CSPP1: variants seen among roughly 807,000 people sequenced by gnomAD.
CSPP1 encodes the protein centrosome and spindle pole-associated protein 1.
CSPP1 carries 126 observed loss-of-function variants against 164.4 expected under a neutral mutation model. The ratio of observed to expected loss-of-function variants is 0.77; its 90% CI spans 0.66 to 0.89. The LOEUF (loss-of-function observed/expected upper bound fraction) is 0.89. Ranked by LOEUF, CSPP1 falls within the 40% of genes least tolerant of loss-of-function variation. The probability of loss-of-function intolerance (pLI) is 0.00; values close to 1 mark genes in which losing one functional copy is unlikely to be tolerated. For synonymous variants in CSPP1, 472 were observed against 476.7 expected (o/e 0.99, Z 0.13); for missense variants, 1,395 against 1,449.8 (o/e 0.96, Z 0.61).
At chr8:67,158,930 C>A in intron 20 of CSPP1, 61 bp from the exon 21 acceptor site, 1 of 1,335,860 alleles carries the variant, frequency 7.5e-7, no homozygotes, top group East Asian at 2.3e-5. Flanking sequence ...TAAGGCAGCA[C>A]ATTTTTGAAT....
intron 17 of CSPP1, among the ~76,000 whole-genome samples, chr8:67,139,866 A>T (rs1413780058): frequency 1.3e-5 from 2 of 152,162 alleles, no homozygotes; most frequent in Non-Finnish European, 2.9e-5. Context: ...GCGGGGAGGG[A>T]TAGCACTAGG....
At chr8:67,191,537 T>C (rs533222868) in intron 29 of CSPP1, among the ~76,000 whole-genome samples, 1 of 152,366 alleles carries the variant, frequency 6.6e-6, no homozygotes, top group South Asian at 2.1e-4. Flanking sequence ...ATACACTGTA[T>C]GATTATTTGT....
At chr8:67,147,087 TAATATA>T (rs1393805614) in intron 17 of CSPP1, among the ~76,000 whole-genome samples, 1 of 152,246 alleles carries the variant, frequency 6.6e-6, no homozygotes, top group Admixed American at 6.5e-5. Flanking sequence ...AATTTTCTCT[TAATATA>T]AATATGTTGA....
intron 21 of CSPP1, 44 bp from the exon 22 acceptor site, chr8:67,161,767 G>T (rs1226696345): frequency 3.8e-6 from 4 of 1,049,986 alleles, no homozygotes; most frequent in Non-Finnish European, 6.0e-6. Flanking sequence ...ATGTGTGTGA[G>T]TGTGATGAAG....
chr8:67,065,959 A>T (rs943423406), intron 1 of CSPP1, among the ~76,000 whole-genome samples: 2 of 152,210 alleles, frequency 1.3e-5, no homozygotes, highest in Non-Finnish European at 2.9e-5. Flanking sequence ...ATTAACTGTT[A>T]CACATTTGAG....
intron 1 of CSPP1, among the ~76,000 whole-genome samples, chr8:67,066,829 C>A (rs1805667368): frequency 6.6e-6 from 1 of 152,076 alleles, no homozygotes; most frequent in African/African-American, 2.4e-5. Flanking sequence ...CACTCTGTTA[C>A]CCATGCTGGA....
At position 67,131,955 on chromosome 8, in the gene CSPP1, A is replaced by G. The variant is rs1367972478; in HGVS notation, c.1702A>G (p.Thr568Ala). 8 of 1,599,584 alleles carry G rather than the reference A, an allele frequency of 5.0e-6. No homozygotes were observed. Among genetic ancestry groups the G allele is most frequent in the African/African-American group, 1.3e-5 (1 of 74,536 alleles). Reference protein sequence around the residue: ...THQLAQPVVNTVGQNELKITS... With the variant: ...THQLAQPVVNAVGQNELKITS... ...TTTATTGTGTATTTGATGTAGGAAT[A>G]CGGTTGGACAGAATGAACTGAAGAT... is the stretch of plus-strand genomic sequence containing the variant. The change falls in exon 16 of 31, where the codon ACG becomes GCG. Residue 568 changes from threonine (T) to alanine (A), a missense_variant. By Grantham distance (58) the Thr-to-Ala change is moderately conservative (BLOSUM62 0). Transcript: ENST00000678616.
intron 21 of CSPP1, among the ~76,000 whole-genome samples, chr8:67,160,031 C>CTTT (rs555181016): frequency 1.9e-5 from 1 of 53,976 alleles, no homozygotes; most frequent in Non-Finnish European, 3.3e-5. Context: ...CTTTTCTTTT[C>CTTT]TTTTTCTTTT....
chr8:67,127,255 G>T (rs1165485419), intron 15 of CSPP1, among the ~76,000 whole-genome samples: 1 of 152,116 alleles, frequency 6.6e-6, no homozygotes, highest in African/African-American at 2.4e-5. Context: ...TAGACTGGGT[G>T]GCTTAAACAA....
chr8:67,107,590 C>T (rs1471386096), intron 9 of CSPP1, among the ~76,000 whole-genome samples: 1 of 152,118 alleles, frequency 6.6e-6, no homozygotes, highest in African/African-American at 2.4e-5. Flanking sequence ...GATCTTTTCC[C>T]CCCAAAACTA....
chr8:67,186,489 T>C (rs898647395), intron 28 of CSPP1, among the ~76,000 whole-genome samples: 8 of 151,322 alleles, frequency 5.3e-5, no homozygotes, highest in African/African-American at 1.9e-4. Flanking sequence ...ACCTAAAGTC[T>C]ACCACCCATT....
rs928771241 is a variant in CSPP1 at position 67,102,282 on chromosome 8, C to A, written c.924-755C>A. ...TTTATTTAATTTATTGATAAGACTG[C>A]TGCTGTATTTTTAAGTTAAAAAGGT... On this transcript the variant is annotated intron_variant, in intron 7 of 30. Transcript: ENST00000678616. Among the ~76,000 whole-genome samples the A allele has an allele frequency of 4.6e-5, 7 of 152,090 alleles. No homozygotes were observed. The South Asian group carries it at 1.2e-3, about 27-fold the overall frequency.
intron 9 of CSPP1, among the ~76,000 whole-genome samples, 179 bp from the exon 10 acceptor site, chr8:67,111,793 A>G (rs531478237): frequency 6.6e-6 from 1 of 151,656 alleles, no homozygotes; most frequent in African/African-American, 2.4e-5. Flanking sequence ...CATAGTAGGT[A>G]CCCATTAATT....
At chr8:67,101,631 G>A (rs533997832) in intron 7 of CSPP1, among the ~76,000 whole-genome samples, 5 of 152,258 alleles carry the variant, frequency 3.3e-5, no homozygotes, top group South Asian at 2.1e-4. Context: ...CCATTCATGC[G>A]TTATGCCATG....
intron 19 of CSPP1, among the ~76,000 whole-genome samples, chr8:67,156,419 T>C (rs1826679938): frequency 6.6e-6 from 1 of 152,162 alleles, no homozygotes. Flanking sequence ...TTTAACTATT[T>C]TAGTTTCAAC....
chr8:67,164,634 C>T (rs1032947297), intron 24 of CSPP1, 126 bp downstream of exon 24: 4 of 538,932 alleles, frequency 7.4e-6, no homozygotes, highest in African/African-American at 1.9e-5. Context: ...CTTTCCTTTT[C>T]TTTGTCTTTT....
At chr8:67,175,867 A>C (rs1474223002) in intron 26 of CSPP1, among the ~76,000 whole-genome samples, 2 of 152,240 alleles carry the variant, frequency 1.3e-5, no homozygotes, top group South Asian at 2.1e-4. Context: ...TCTGTAAAGC[A>C]TCAGACTGGA....
At chr8:67,086,886 TTC>T in intron 4 of CSPP1, 2 of 1,242,634 alleles carry the variant, frequency 1.6e-6, no homozygotes, top group Non-Finnish European at 2.2e-6. Flanking sequence ...AGTTTTTTCT[TTC>T]TTTTTTTTTT....
chr8:67,158,255 G>A (rs1398388837), intron 19 of CSPP1, among the ~76,000 whole-genome samples, 192 bp from the exon 20 acceptor site: 1 of 152,138 alleles, frequency 6.6e-6, no homozygotes, highest in Non-Finnish European at 1.5e-5. Flanking sequence ...TGGTGGAACT[G>A]GAATTTAACT....
Sources: gnomAD v4.1 joint callset for allele counts (sites outside exome capture counted in the v4.1 genomes callset) on GRCh38, gnomAD v4.1.1 for gene constraint, MANE v1.5 for transcripts, NCBI Gene and HGNC (gene_info 2026-07-23, HGNC 2026-07-21) for gene names.